The following SCMH1 variants were observed in gnomAD, a reference collection of about 807,000 sequenced individuals.
SCMH1 encodes Scm polycomb group protein homolog 1, also known as polycomb protein SCMH1.
SCMH1 carries 37 observed loss-of-function variants against 70.8 expected under a neutral mutation model. The observed-to-expected ratio is 0.52, with a 90% CI of 0.40 to 0.69. The LOEUF is 0.69. SCMH1 is among the 30% of genes least tolerant of loss of function. The pLI, the probability that SCMH1 is intolerant of heterozygous loss-of-function variation, is 0.00. For missense variants in SCMH1, 607 were observed against 827.3 expected, an observed-to-expected ratio of 0.73 and a Z score of 3.27; for synonymous variants, 292 against 307.4, an observed-to-expected ratio of 0.95 and a Z score of 0.52.
chr1:41,212,361 T>C (rs907860442), intron 1 of SCMH1, among the ~76,000 whole-genome samples: 4 of 152,214 alleles, frequency 2.6e-5, no homozygotes, highest in African/African-American at 9.6e-5. Context: ...TCAAAGATTT[T>C]TCTGAATACA....
At chr1:41,231,284 T>C (rs1307311538) in intron 1 of SCMH1, among the ~76,000 whole-genome samples, 1 of 152,234 alleles carries the variant, frequency 6.6e-6, no homozygotes, top group African/African-American at 2.4e-5. Context: ...TTGTCAGTCA[T>C]TATCAAATGA....
In SCMH1 at chr1:41,225,008, A is replaced by C. The variant is rs185543971; in HGVS notation, c.-118+17051T>G. 3.9e-5 allele frequency among the ~76,000 whole-genome samples: 6 copies of C among 152,332 alleles called. No homozygotes were observed. In the East Asian group the frequency reaches 1.2e-3, roughly 29 times the overall value. On this transcript the variant is annotated intron_variant, in intron 1 of 14. Coordinates refer to ENST00000337495, the Ensembl canonical transcript of SCMH1. Reference sequence around the variant, plus strand: ...GGGCAAACAGCTTCTCTTGGCAATAAGAGATTACTTAAAGGTCACTCATAA... The same window carrying C: ...GGGCAAACAGCTTCTCTTGGCAATACGAGATTACTTAAAGGTCACTCATAA...
chr1:41,181,928 A>G (rs565312443), intron 2 of SCMH1, among the ~76,000 whole-genome samples: 1 of 152,344 alleles, frequency 6.6e-6, no homozygotes, highest in Non-Finnish European at 1.5e-5. Context: ...TATTCACAAT[A>G]GCAAAGACTT....
At chr1:41,176,708 C>T (rs6693129) in intron 2 of SCMH1, among the ~76,000 whole-genome samples, 84 of 152,264 alleles carry the variant, frequency 5.5e-4, no homozygotes, top group African/African-American at 2.0e-3. Context: ...GGGGGAGGGG[C>T]GCCCGCCATT....
intron 8 of SCMH1, among the ~76,000 whole-genome samples, chr1:41,089,737 C>G (rs916457816): frequency 3.3e-5 from 5 of 150,934 alleles, no homozygotes; most frequent in African/African-American, 1.2e-4. Context: ...ATTTTTCTGA[C>G]CTACTTCCTA....
At chr1:41,187,656 T>G in intron 1 of SCMH1, among the ~76,000 whole-genome samples, 1 of 151,098 alleles carries the variant, frequency 6.6e-6, no homozygotes. Context: ...TGTAAAGAGG[T>G]TAAGGCAGGA....
rs145740933 is a variant in SCMH1, at chr1:41,039,725, C to T, written c.1499-2184G>A. On this transcript the variant is annotated intron_variant, in intron 12 of 14. Transcript: ENST00000337495. ...CTGGCTTCAAGTGATCTGCCCACCT[C>T]GGTCTCCCAAAGTGTTGGGATCACA... 3.1e-3 allele frequency among the ~76,000 whole-genome samples: 471 copies of T among 152,024 alleles called. 1 individual carries two copies. The highest frequency in any genetic ancestry group is 0.01 in the African/African-American group (432 of 41,480).
chr1:41,137,081 AG>A (rs762181964), intron 6 of SCMH1, among the ~76,000 whole-genome samples: 19 of 152,142 alleles, frequency 1.2e-4, no homozygotes, highest in Non-Finnish European at 2.6e-4. Flanking sequence ...ATGCCCGGCC[AG>A]GACCAGTACT....
At chr1:41,072,774 G>A (rs994861711) in intron 9 of SCMH1, among the ~76,000 whole-genome samples, 5 of 152,182 alleles carry the variant, frequency 3.3e-5, no homozygotes, top group Admixed American at 2.6e-4. Flanking sequence ...GCTGAGGTGG[G>A]AGGATCGCTT....
chr1:41,170,910 A>C lies in SCMH1; in HGVS notation c.14-9478T>G, dbSNP rs79335481. On this transcript the variant is annotated intron_variant, in intron 2 of 14. Coordinates refer to ENST00000337495, the Ensembl canonical transcript of SCMH1. ...CTTAGAATCCCACACACATTCACAT[A>C]AACAACTACCTATAGGCCATCACTA... is the stretch of plus-strand genomic sequence containing the variant. Among the ~76,000 whole-genome samples, 175 of 152,332 alleles carry C rather than the reference A, an allele frequency of 1.1e-3. 1 individual carries two copies. Among genetic ancestry groups the C allele is most frequent in the African/African-American group, 4.0e-3 (167 of 41,574 alleles).
In SCMH1 at chr1:41,211,841, A is replaced by G. The variant is rs564864941; in HGVS notation, c.-117-25591T>C. 2.0e-5 allele frequency among the ~76,000 whole-genome samples: 3 copies of G among 152,310 alleles called. No homozygotes were observed. The East Asian group carries it at 5.8e-4, about 29-fold the overall frequency. On this transcript the variant is annotated intron_variant, in intron 1 of 14. Transcript: ENST00000337495. ...CCATGGAATACAATGCAGCCATAAAAAAGGGTGAGTTCATGTCCTTTGCAG... is the reference window on the plus strand; with the variant it reads ...CCATGGAATACAATGCAGCCATAAAGAAGGGTGAGTTCATGTCCTTTGCAG...
intron 4 of SCMH1, among the ~76,000 whole-genome samples, chr1:41,155,663 A>G (rs980284431): frequency 6.6e-5 from 10 of 152,144 alleles, no homozygotes; most frequent in African/African-American, 2.2e-4. Context: ...CAGTCAAAAA[A>G]GACATCTTGA....
Position 41,203,546 on chromosome 1 carries a change from C to T in SCMH1, c.-117-17296G>A, listed in dbSNP as rs150093036. Among the ~76,000 whole-genome samples, 924 of 152,322 alleles carry T rather than the reference C, an allele frequency of 6.1e-3. 13 individuals are homozygous for T. The highest frequency in any genetic ancestry group is 0.021 in the African/African-American group (883 of 41,570). On this transcript the variant is annotated intron_variant, in intron 1 of 14. Transcript: ENST00000337495. ...AAGCCCCCCAAAATCTGGTCATAAA[C>T]TGGTCCCAAAACTGGCCATAAACAA... is the stretch of plus-strand genomic sequence containing the variant.
At chr1:41,052,547 G>T (rs1648586592) in intron 10 of SCMH1, among the ~76,000 whole-genome samples, 2 of 152,202 alleles carry the variant, frequency 1.3e-5, no homozygotes, top group Non-Finnish European at 2.9e-5. Context: ...TTCACAAAAT[G>T]AGGATACTGG....
chr1:41,187,032 A>G (rs1156809766), intron 1 of SCMH1, among the ~76,000 whole-genome samples: 2 of 152,192 alleles, frequency 1.3e-5, no homozygotes, highest in African/African-American at 4.8e-5. Flanking sequence ...CTCTTTTATT[A>G]CAGTCGGAGT....
chr1:41,030,865 T>G (rs960979683), intron 13 of SCMH1, among the ~76,000 whole-genome samples: 1 of 152,204 alleles, frequency 6.6e-6, no homozygotes, highest in Admixed American at 6.5e-5. Context: ...CAGATAATAG[T>G]TACTTGTATA....
At chr1:41,100,451 T>C (rs565969047) in intron 8 of SCMH1, among the ~76,000 whole-genome samples, 1 of 152,268 alleles carries the variant, frequency 6.6e-6, no homozygotes, top group African/African-American at 2.4e-5. Context: ...GCGCTGAGAC[T>C]AGACAAGGAG....
chr1:41,039,188 C>T (rs1426978830), intron 12 of SCMH1, among the ~76,000 whole-genome samples: 5 of 152,190 alleles, frequency 3.3e-5, no homozygotes, highest in African/African-American at 4.8e-5. Flanking sequence ...GTCTGCCTCA[C>T]ATGAGCTAAC....
intron 2 of SCMH1, among the ~76,000 whole-genome samples, chr1:41,184,286 T>C (rs1026796831): frequency 2.0e-5 from 3 of 152,172 alleles, no homozygotes; most frequent in African/African-American, 7.2e-5. Flanking sequence ...GTATTATTAA[T>C]AACTTTTTAC....
Sources: allele counts gnomAD v4.1 joint callset (sites outside exome capture counted in the v4.1 genomes callset), GRCh38; gene constraint gnomAD v4.1.1; transcripts MANE v1.5; gene names NCBI Gene and HGNC (gene_info 2026-07-23, HGNC 2026-07-21).